The following IFT122 variants were observed in gnomAD, a reference collection of about 807,000 sequenced individuals.
The protein encoded by IFT122 is intraflagellar transport protein 122 homolog.
IFT122 carries 118 observed loss-of-function variants against 161.6 expected under a neutral mutation model. The ratio of observed to expected loss-of-function variants is 0.73; its 90% CI spans 0.63 to 0.85. The LOEUF is 0.85. Ranked by LOEUF, IFT122 falls within the 40% of genes least tolerant of loss-of-function variation. The pLI is 0.00. For missense variants in IFT122, 1,381 were observed against 1,579.6 expected (o/e 0.87, Z 2.13); for synonymous variants, 550 against 602.4 (o/e 0.91, Z 1.27).
intron 22 of IFT122, among the ~76,000 whole-genome samples, chr3:129,506,999 G>A (rs530473974): frequency 7.0e-4 from 106 of 152,224 alleles, no homozygotes; most frequent in Non-Finnish European, 1.3e-3. Flanking sequence ...AGTAGTGGAA[G>A]TGGAAGAGAC....
chr3:129,503,983 G>C lies in IFT122; in HGVS notation c.2548-336G>C. 4 of 360,316 alleles carry C rather than the reference G, an allele frequency of 1.1e-5. 1 individual carries two copies. Among genetic ancestry groups the C allele is most frequent in the South Asian group, 9.0e-5 (4 of 44,366 alleles). 22.3% of individuals were successfully genotyped at this position (360,316 alleles called of 1,614,324 possible). A position where few individuals can be genotyped will look rare whatever the true frequency, so the allele number is the denominator to read the frequency against. Reference sequence around the variant, plus strand: ...TGTCAATTCTGTTTCCTTAGGTGTCGCCCGCAATTAAAAGAAATCTGTTTG... The same window carrying C: ...TGTCAATTCTGTTTCCTTAGGTGTCCCCCGCAATTAAAAGAAATCTGTTTG... On this transcript the variant is annotated intron_variant, in intron 20 of 29. Transcript: ENST00000348417.
Position 129,488,301 on chromosome 3 carries a change from A to C in IFT122, c.1896A>C (p.Glu632Asp), listed in dbSNP as rs2079566784. ...ACCTGGATAGGAAACTGTTCAAGGA[A>C]GCCTACCAGATTGCTTGCTTGGGTG... ...YQYLDRKLFK[E>D]AYQIACLGVT... Residue 632 changes from glutamate (E) to aspartate (D), a missense_variant, in exon 16 of 30, where the codon GAA becomes GAC. Glu to Asp is a conservative substitution (Grantham distance 45). Transcript: ENST00000348417. 6.2e-7 allele frequency: 1 copy of C among 1,614,106 alleles called. No individual in the cohort carries two copies. Among genetic ancestry groups the C allele is most frequent in the Non-Finnish European group, 8.5e-7 (1 of 1,180,050 alleles).
chr3:129,446,511 G>A (rs2074021605), intron 1 of IFT122, among the ~76,000 whole-genome samples: 2 of 152,058 alleles, frequency 1.3e-5, no homozygotes, highest in South Asian at 2.1e-4. Flanking sequence ...CACCGCGCCC[G>A]GCCGACCCTA....
chr3:129,457,999 A>G (rs1420036044), intron 3 of IFT122: 1 of 156,798 alleles, frequency 6.4e-6, no homozygotes, highest in Non-Finnish European at 1.4e-5. Flanking sequence ...CAGCCCTCCA[A>G]AGTGCTGGGA....
At chr3:129,515,448 G>A in intron 25 of IFT122, 40 bp from the exon 26 acceptor site, 1 of 1,119,804 alleles carries the variant, frequency 8.9e-7, no homozygotes. Flanking sequence ...GAGGACACGT[G>A]CCTGCCCCGG....
chr3:129,504,624 C>A (rs1468121938), intron 21 of IFT122, among the ~76,000 whole-genome samples: 3 of 152,246 alleles, frequency 2.0e-5, no homozygotes, highest in Admixed American at 1.3e-4. Flanking sequence ...CTGGGCCACA[C>A]TCACTTGCCA....
rs144478537 is a variant in IFT122 at position 129,448,816 on chromosome 3, C to T, written c.42-1055C>T. ...TAGTGATTCTCCTGCCTCAGCCTCT[C>T]GAGTAGCTGGGATTACAGGCGCTCA... On this transcript the variant is annotated intron_variant, in intron 1 of 29. Transcript: ENST00000348417. 8.9e-3 allele frequency among the ~76,000 whole-genome samples: 1,360 copies of T among 152,094 alleles called. 9 individuals carry two copies. Among genetic ancestry groups the T allele is most frequent in the Middle Eastern group, 0.044 (13 of 294 alleles).
intron 15 of IFT122, among the ~76,000 whole-genome samples, chr3:129,484,258 C>T (rs879513710): frequency 3.3e-5 from 5 of 152,002 alleles, no homozygotes; most frequent in Admixed American, 6.5e-5. Context: ...ATTGACCTCC[C>T]GAATGCAGGA....
chr3:129,460,376 G>A (rs780366618), intron 4 of IFT122, among the ~76,000 whole-genome samples: 1 of 151,984 alleles, frequency 6.6e-6, no homozygotes, highest in Non-Finnish European at 1.5e-5. Context: ...CATCTGTGTT[G>A]TAGCATGTGT....
chr3:129,478,265 T>C, intron 12 of IFT122, 47 bp downstream of exon 12: 1 of 1,518,208 alleles, frequency 6.6e-7, no homozygotes, highest in Non-Finnish European at 9.1e-7. Context: ...CCATTTGTGC[T>C]CCCCCCCCAG....
chr3:129,456,171 A>T, intron 3 of IFT122: 1 of 1,072,856 alleles, frequency 9.3e-7, no homozygotes, highest in Non-Finnish European at 1.3e-6. Context: ...TGAGATCTCT[A>T]GGAATTCTGA....
chr3:129,457,019 A>G (rs1034035370), intron 3 of IFT122, among the ~76,000 whole-genome samples: 2 of 152,236 alleles, frequency 1.3e-5, no homozygotes, highest in Admixed American at 1.3e-4. Flanking sequence ...TGAGGCTCAG[A>G]GAACAGTGAC....
Position 129,476,730 on chromosome 3 carries a change from A to T in IFT122, c.1076A>T (p.Tyr359Phe). The T allele has an allele frequency of 6.2e-7, 1 of 1,614,146 alleles. No homozygotes were observed. The highest frequency in any genetic ancestry group is 1.1e-5 in the South Asian group (1 of 91,080). The change falls in exon 11 of 30, where the codon TAC becomes TTC. Residue 359 changes from tyrosine (Y) to phenylalanine (F), a missense_variant. This residue lies in a region of IFT122 where 544 missense variants were observed against 648.0 expected (regional missense o/e 0.84). Transcript: ENST00000348417. ...ATTTTCAGCACAGTCCATGGGCTTTACAAGGACCGCTATGCCTACAGGGAT... is the reference window on the plus strand; with the variant it reads ...ATTTTCAGCACAGTCCATGGGCTTTTCAAGGACCGCTATGCCTACAGGGAT... ...QLIFSTVHGL[Y>F]KDRYAYRDSM...
At chr3:129,510,091 GTC>G (rs2082645523) in intron 23 of IFT122, among the ~76,000 whole-genome samples, 1 of 152,142 alleles carries the variant, frequency 6.6e-6, no homozygotes, top group Non-Finnish European at 1.5e-5. Context: ...CAGAGATGAG[GTC>G]TCTGTCGCCC....
intron 25 of IFT122, chr3:129,515,076 G>A (rs1019266531): frequency 1.3e-5 from 5 of 383,912 alleles, no homozygotes; most frequent in African/African-American, 6.2e-5. Context: ...CCCTCTCCTA[G>A]CTCTGTCTCC....
rs534337287 is a variant in IFT122 at position 129,461,322 on chromosome 3, A to G, written c.349+18A>G. On this transcript the variant is annotated intron_variant, in intron 5 of 29. Coordinates refer to ENST00000348417, the MANE Select transcript of IFT122 (RefSeq NM_052989.3). ...TGACTTTGGTACGTTCTGATTCCTG[A>G]TGTCCTGTCCTGGAATAACTGAAAA... 2 of 1,575,576 alleles carry G rather than the reference A, an allele frequency of 1.3e-6. No homozygotes were observed. Among genetic ancestry groups the G allele is most frequent in the East Asian group, 2.2e-5 (1 of 44,696 alleles).
chr3:129,440,492 C>T, intron 1 of IFT122, 121 bp downstream of exon 1: 1 of 1,210,726 alleles, frequency 8.3e-7, no homozygotes, highest in South Asian at 1.3e-5. Context: ...GCACTGAACC[C>T]CGGCCTGGGA....
chr3:129,499,308 A>G (rs368769201), intron 18 of IFT122, among the ~76,000 whole-genome samples: 32 of 152,202 alleles, frequency 2.1e-4, no homozygotes, highest in Non-Finnish European at 1.8e-4. Flanking sequence ...TTCAGGGCAC[A>G]GAATGTTTGC....
intron 2 of IFT122, 117 bp from the exon 3 acceptor site, chr3:129,451,797 T>C (rs2074890521): frequency 1.1e-6 from 1 of 892,016 alleles, no homozygotes; most frequent in Non-Finnish European, 1.8e-6. Flanking sequence ...TTTTATTGGC[T>C]ACAGATTTAG....
Sources: gnomAD v4.1 joint callset for allele counts (sites outside exome capture counted in the v4.1 genomes callset) on GRCh38, gnomAD v4.1.1 for gene constraint, gnomAD v4.1.1 regional missense constraint, MANE v1.5 for transcripts, NCBI Gene and HGNC (gene_info 2026-07-23, HGNC 2026-07-21) for gene names.